DPP6: variants seen among roughly 807,000 people sequenced by gnomAD.
DPP6 encodes dipeptidyl peptidase like 6, also known as A-type potassium channel modulatory protein DPP6.
A neutral mutation model predicts 122.6 loss-of-function variants in DPP6; 69 were observed. That is an observed-to-expected ratio of 0.56 (90% confidence interval 0.46 to 0.69). The LOEUF (loss-of-function observed/expected upper bound fraction) is 0.69. DPP6 is among the 30% of genes least tolerant of loss of function. DPP6 has a pLI of 0.00. For missense variants in DPP6, 928 were observed against 1,116.9 expected (o/e 0.83, Z 2.41); for synonymous variants, 418 against 433.1 (o/e 0.97, Z 0.43).
intron 7 of DPP6, among the ~76,000 whole-genome samples, chr7:154,692,808 G>T (rs887304758): frequency 6.1e-5 from 9 of 147,366 alleles, no homozygotes; most frequent in Admixed American, 6.1e-4. Context: ...TTGAGACAGG[G>T]TCTCACTCTG....
chr7:153,885,302 A>G (rs911083452), upstream of DPP6, among the ~76,000 whole-genome samples: 1 of 152,048 alleles, frequency 6.6e-6, no homozygotes, highest in Non-Finnish European at 1.5e-5. Context: ...TCTTGAGAAA[A>G]GGTGTGATTG....
intron 7 of DPP6, among the ~76,000 whole-genome samples, chr7:154,724,066 G>A (rs553604187): frequency 6.6e-6 from 1 of 152,272 alleles, no homozygotes; most frequent in East Asian, 1.9e-4. Context: ...GCTGCATATT[G>A]TAATCACCTG....
intron 1 of DPP6, among the ~76,000 whole-genome samples, chr7:153,992,899 C>G (rs900968385): frequency 4.6e-5 from 7 of 152,014 alleles, no homozygotes; most frequent in Non-Finnish European, 1.0e-4. Context: ...GAAATACTGT[C>G]CATTATTTAA....
intron 1 of DPP6, among the ~76,000 whole-genome samples, chr7:154,324,073 A>G (rs1294111567): frequency 1.3e-5 from 2 of 152,244 alleles, no homozygotes; most frequent in East Asian, 3.9e-4. Context: ...ATCAGGACAG[A>G]ACCATGAGCA....
rs572367914 is a variant in DPP6, at chr7:153,982,651, C to T, written c.51+94917C>T. ...CGGTTTTTGGAATTTTCAGCCTTTT[C>T]GCGCTGGTTTTTCCTCCTCTTCATG... On this transcript the variant is annotated intron_variant, in intron 1 of 25. Coordinates refer to the DPP6 transcript ENST00000404039. Among the ~76,000 whole-genome samples, 447 of 152,178 alleles carry T rather than the reference C, an allele frequency of 2.9e-3. 2 individuals are homozygous for T. Among genetic ancestry groups the T allele is most frequent in the Middle Eastern group, 3.4e-3 (1 of 294 alleles).
chr7:154,779,552 G>A (rs1006399786), intron 10 of DPP6, among the ~76,000 whole-genome samples: 6 of 152,304 alleles, frequency 3.9e-5, no homozygotes, highest in South Asian at 2.1e-4. Flanking sequence ...CGAGTCTTCC[G>A]TCACCAGAGC....
intron 6 of DPP6, among the ~76,000 whole-genome samples, chr7:154,669,087 G>T (rs1331785442): frequency 1.3e-5 from 2 of 152,192 alleles, no homozygotes; most frequent in African/African-American, 2.4e-5. Flanking sequence ...TTGATCCAAA[G>T]ACCTCACTGC....
intron 16 of DPP6, among the ~76,000 whole-genome samples, chr7:154,844,993 T>G (rs1801835266): frequency 6.6e-6 from 1 of 152,234 alleles, no homozygotes; most frequent in Non-Finnish European, 1.5e-5. Flanking sequence ...GGGGATTCCC[T>G]ATGTACGAAC....
chr7:154,709,518 C>A (rs1841039267), intron 7 of DPP6, among the ~76,000 whole-genome samples: 1 of 151,900 alleles, frequency 6.6e-6, no homozygotes, highest in Admixed American at 6.6e-5. Context: ...CCATGCTCAG[C>A]TCGAAGTTTA....
chr7:154,852,412 A>T (rs1213753022), intron 16 of DPP6, among the ~76,000 whole-genome samples: 1 of 151,242 alleles, frequency 6.6e-6, no homozygotes, highest in Non-Finnish European at 1.5e-5. Context: ...CCCACTTCCC[A>T]CTTCCTCTTT....
the DPP6 span, among the ~76,000 whole-genome samples, chr7:153,765,149 T>C: frequency 6.6e-6 from 1 of 151,866 alleles, no homozygotes; most frequent in Non-Finnish European, 1.5e-5. Context: ...AAATGTGCGC[T>C]AACCAATTTC....
At chr7:154,704,237 T>A (rs1840698105) in intron 7 of DPP6, among the ~76,000 whole-genome samples, 1 of 152,236 alleles carries the variant, frequency 6.6e-6, no homozygotes, top group Non-Finnish European at 1.5e-5. Context: ...CCTGAAGATG[T>A]GACTGAGTTG....
chr7:154,535,597 A>G (rs1242554051), intron 3 of DPP6, among the ~76,000 whole-genome samples: 2 of 152,012 alleles, frequency 1.3e-5, no homozygotes, highest in African/African-American at 4.8e-5. Context: ...AAGAATAAGG[A>G]AAGCCACACC....
At chr7:154,763,444 AAGAG>A (rs1192555295) in intron 8 of DPP6, among the ~76,000 whole-genome samples, 1 of 152,034 alleles carries the variant, frequency 6.6e-6, no homozygotes, top group African/African-American at 2.4e-5. Context: ...CTGCCGAGGG[AAGAG>A]AGAGAGATGA....
At chr7:154,794,964 TG>T (rs1797949361) in intron 11 of DPP6, among the ~76,000 whole-genome samples, 1 of 152,098 alleles carries the variant, frequency 6.6e-6, no homozygotes, top group African/African-American at 2.4e-5. Flanking sequence ...CATATTTACT[TG>T]AGAGGCTCCT....
intron 1 of DPP6, among the ~76,000 whole-genome samples, chr7:154,099,490 A>G (rs1336821504): frequency 6.6e-6 from 1 of 152,170 alleles, no homozygotes; most frequent in African/African-American, 2.4e-5. Flanking sequence ...AAATGGCTTA[A>G]AATTATTAAA....
intron 1 of DPP6, among the ~76,000 whole-genome samples, chr7:153,976,970 C>T (rs759145720): frequency 6.6e-6 from 1 of 152,198 alleles, no homozygotes; most frequent in Non-Finnish European, 1.5e-5. Context: ...TGGTCCTGCT[C>T]AGGGGATAGC....
At position 154,270,923 on chromosome 7, in the gene DPP6, TG is replaced by T. The variant is rs745618646; in HGVS notation, c.244-175288del. Among the ~76,000 whole-genome samples the T allele has an allele frequency of 1.0e-3, 159 of 152,304 alleles. 1 individual carries two copies. The highest frequency in any genetic ancestry group is 1.5e-3 in the Non-Finnish European group (105 of 68,028). On this transcript the variant is annotated intron_variant, in intron 1 of 25. Coordinates refer to ENST00000377770, the MANE Select transcript of DPP6 (RefSeq NM_130797.4). The stretch of plus-strand genomic sequence containing the variant: ...TCCTACAACACTGCCCCAGTCCGTG[TG>T]GGTCAACTCTCCTTTTTCTCAAAAG...
intron 1 of DPP6, among the ~76,000 whole-genome samples, chr7:154,173,244 A>G (rs1395604351): frequency 6.6e-6 from 1 of 152,236 alleles, no homozygotes; most frequent in Non-Finnish European, 1.5e-5. Flanking sequence ...CGTGGGACGA[A>G]TGAGACTCAT....
Sources: allele counts gnomAD v4.1 joint callset (sites outside exome capture counted in the v4.1 genomes callset), GRCh38; gene constraint gnomAD v4.1.1; transcripts MANE v1.5; gene names NCBI Gene and HGNC (gene_info 2026-07-23, HGNC 2026-07-21).